TCEAL4: variants seen among roughly 807,000 people sequenced by gnomAD.
TCEAL4 encodes transcription elongation factor A protein-like 4.
In TCEAL4, 1 loss-of-function variant was observed where a neutral mutation model predicts 1.3. The ratio of observed to expected loss-of-function variants is 0.79; its 90% CI spans 0.28 to 3.76. The LOEUF (loss-of-function observed/expected upper bound fraction) is 3.76. Ranked by LOEUF, TCEAL4 falls within the 30% of genes most tolerant of loss-of-function variation. The pLI is 0.18. For missense variants in TCEAL4, 129 were observed against 154.7 expected, an observed-to-expected ratio of 0.83 and a Z score of 0.88; for synonymous variants, 54 against 50.7, an observed-to-expected ratio of 1.06 and a Z score of -0.28.
At chrX:103,584,058 G>T (rs1356209453), upstream of TCEAL4, among the ~76,000 whole-genome samples, 5 of 109,764 alleles carry the variant, frequency 4.6e-5, no homozygotes, top group Non-Finnish European at 7.6e-5. Context: ...CTACCGAGTA[G>T]CTGGGATTAC....
Position 103,587,400 on chromosome X carries a change from C to G in TCEAL4, c.*77C>G. 3 of 1,082,772 alleles carry G rather than the reference C, an allele frequency of 2.8e-6. No individual in the cohort carries two copies. Among genetic ancestry groups the G allele is most frequent in the Non-Finnish European group, 3.7e-6 (3 of 817,628 alleles). 89.2% of individuals were successfully genotyped at this position (1,082,772 alleles called of 1,213,427 possible). A position where few individuals can be genotyped will look rare whatever the true frequency, so the allele number is the denominator to read the frequency against. ...TTTACTTTAGGCATCCCTCCTGTTG[C>G]TAGCAGCCTTTTGACCTATCTGCAA... On this transcript the variant is annotated 3_prime_UTR_variant, in exon 3 of 3. Transcript: ENST00000472484.
chrX:103,580,605 C>T (rs1489403002), upstream of TCEAL4, among the ~76,000 whole-genome samples: 5 of 111,022 alleles, frequency 4.5e-5, no homozygotes, highest in East Asian at 2.8e-4. Context: ...TACCGGTGTG[C>T]GCCACCACAC....
upstream of TCEAL4, among the ~76,000 whole-genome samples, chrX:103,581,842 A>T (rs189918720): frequency 4.8e-4 from 54 of 111,912 alleles, 2 homozygotes; most frequent in East Asian, 7.0e-3. Context: ...CAAGACAAGG[A>T]TGCTCTCTCT....
At position 103,585,533 on chromosome X, in the gene TCEAL4, G is replaced by T; in HGVS notation, c.-192G>T. On this transcript the variant is annotated 5_prime_UTR_variant, in exon 1 of 3. Coordinates refer to ENST00000472484, the MANE Select transcript of TCEAL4 (RefSeq NM_001006935.3). ...GTGATCTGCACGGGCGCAGATGTAG[G>T]CACCGGTCCGAGTGCCTGCCCTCTG... 10 of 1,154,338 alleles carry T rather than the reference G, an allele frequency of 8.7e-6. No individual in the cohort carries two copies. In the South Asian group the frequency reaches 1.9e-4, roughly 22 times the overall value.
At chrX:103,576,483 G>T in exon 1 of TCEAL4, 2 of 1,164,884 alleles carry the variant, frequency 1.7e-6, no homozygotes, top group Non-Finnish European at 2.3e-6. Flanking sequence ...CCAGCTGGAG[G>T]CCAGGCGCCG....
upstream of TCEAL4, chrX:103,585,461 A>G: frequency 9.2e-7 from 1 of 1,083,019 alleles, no homozygotes; most frequent in Non-Finnish European, 1.2e-6. Context: ...GCGGCTGGCT[A>G]GGAGGCGGGG....
rs1486224426 is a variant in TCEAL4 at position 103,587,066 on chromosome X, A to G, written c.391A>G (p.Asn131Asp). 2 of 1,209,617 alleles carry G rather than the reference A, an allele frequency of 1.7e-6. No homozygotes were observed. The highest frequency in any genetic ancestry group is 3.5e-5 in the African/African-American group (2 of 56,960). Residue 131 changes from asparagine to aspartate, a missense_variant, in exon 3 of 3, where the codon AAT (asparagine) becomes GAT (aspartate). By Grantham distance (23) the Asn-to-Asp change is conservative. Around this residue, in one of 2 missense-constraint regions of TCEAL4, gnomAD observed 116 missense variants for 120.3 expected, o/e 0.96. Coordinates refer to ENST00000472484, the MANE Select transcript of TCEAL4 (RefSeq NM_001006935.3). The part of the protein sequence containing the change: ...DVPRKAKRKT[N>D]KGLAHYLKEY... ...ACCCAGGAAAGCCAAAAGAAAAACTAATAAGGGGCTGGCTCATTACCTCAA... is the reference window on the plus strand; with the variant it reads ...ACCCAGGAAAGCCAAAAGAAAAACTGATAAGGGGCTGGCTCATTACCTCAA...
Position 103,586,527 on chromosome X carries a change from A to C in TCEAL4, c.-27-122A>C. ...AGAAGGCCCTCTTGGAGGCCTGGCC[A>C]GCTTAGGGGAACCCTCATCAGGGGT... On this transcript the variant is annotated intron_variant, in intron 2 of 2. Transcript: ENST00000472484. 4.2e-6 allele frequency: 4 copies of C among 951,994 alleles called. No homozygotes were observed. In the South Asian group the frequency reaches 9.9e-5, roughly 24 times the overall value. 78.5% of individuals were successfully genotyped at this position (951,994 alleles called of 1,213,427 possible). A position where few individuals can be genotyped will look rare whatever the true frequency, so the allele number is the denominator to read the frequency against.
At position 103,587,248 on chromosome X, in the gene TCEAL4, C is replaced by T. The variant is rs377158977; in HGVS notation, c.573C>T (p.Tyr191=). 45 of 1,204,283 alleles carry T rather than the reference C, an allele frequency of 3.7e-5. No homozygotes were observed. Among genetic ancestry groups the T allele is most frequent in the African/African-American group, 1.8e-4 (10 of 56,755 alleles). The change falls in exon 3 of 3, where the codon TAC becomes TAT. Residue 191 remains tyrosine (Y), a synonymous_variant. Transcript: ENST00000472484. ...WMQRNLQDPF[Y]PRGPREFRGG... is the part of the protein sequence containing the mutation. ...AAAGAAATTTACAGGACCCCTTCTA[C>T]CCTAGAGGTCCAAGGGAATTCAGGG... is the stretch of plus-strand genomic sequence containing the variant.
intron 1 of TCEAL4, 91 bp downstream of exon 1, chrX:103,585,715 C>T: frequency 2.6e-6 from 3 of 1,145,318 alleles, no homozygotes; most frequent in Non-Finnish European, 3.5e-6. Context: ...GGGGTGGGGT[C>T]GGGTCGAGTC....
At chrX:103,585,508 G>A (rs1267593547), upstream of TCEAL4, 3 of 1,128,203 alleles carry the variant, frequency 2.7e-6, no homozygotes, top group Non-Finnish European at 3.5e-6. Context: ...CGGCATTCAC[G>A]TGATCTGCAC....
In TCEAL4 at chrX:103,586,945, A is replaced by G; in HGVS notation, c.270A>G (p.Arg90=). The G allele has an allele frequency of 8.3e-7, 1 of 1,208,826 alleles. No homozygotes were observed. ...GESEMEGGSE[R]EGKPEIEGKP... is the part of the protein sequence containing the mutation. Reference sequence around the variant, plus strand: ...CAGAGATGGAGGGAGGATCAGAGAGAGAGGGAAAACCAGAGATAGAGGGAA... The same window carrying G: ...CAGAGATGGAGGGAGGATCAGAGAGGGAGGGAAAACCAGAGATAGAGGGAA... The change falls in exon 3 of 3, where the codon AGA becomes AGG. Residue 90 remains arginine (R), a synonymous_variant. Coordinates refer to ENST00000472484, the MANE Select transcript of TCEAL4 (RefSeq NM_001006935.3).
At chrX:103,578,376 G>A (rs111572042) in intron 2 of TCEAL4, among the ~76,000 whole-genome samples, 2,303 of 111,891 alleles carry the variant, frequency 0.021, 59 homozygotes, top group African/African-American at 0.071. Context: ...GGATTGTTGC[G>A]TCATAAGGTA....
At position 103,586,746 on chromosome X, in the gene TCEAL4, C is replaced by T. The variant is rs755664856; in HGVS notation, c.71C>T (p.Pro24Leu). 2 of 1,211,540 alleles carry T rather than the reference C, an allele frequency of 1.7e-6. No individual in the cohort carries two copies. The highest frequency in any genetic ancestry group is 4.3e-5 in the Admixed American group (2 of 46,022). The change falls in exon 3 of 3, where the codon CCA becomes CTA. Residue 24 changes from proline (P) to leucine (L), a missense_variant. Physicochemically the swap from Pro to Leu is moderately conservative, Grantham distance 98. Coordinates refer to ENST00000472484, the MANE Select transcript of TCEAL4 (RefSeq NM_001006935.3). ...GGAAAGATGGAAAATGAAGAACAGC[C>T]ACAAGACGAGAGAAAGCCAGAAGTA... ...NQGKMENEEQ[P>L]QDERKPEVTC...
intron 1 of TCEAL4, among the ~76,000 whole-genome samples, chrX:103,576,856 A>T (rs762221514): frequency 8.9e-6 from 1 of 112,257 alleles, no homozygotes; most frequent in South Asian, 3.7e-4. Flanking sequence ...ACTAAGAGGG[A>T]TGGCAGTTAT....
In TCEAL4 at chrX:103,576,316, T is replaced by C. The variant is rs770691199; in HGVS notation, c.-154T>C. The C allele has an allele frequency of 9.8e-6, 7 of 717,006 alleles. No homozygotes were observed. In the East Asian group the frequency reaches 2.7e-4, roughly 27 times the overall value. 59.1% of individuals were successfully genotyped at this position (717,006 alleles called of 1,213,427 possible). A position where few individuals can be genotyped will look rare whatever the true frequency, so the allele number is the denominator to read the frequency against. On this transcript the variant is annotated 5_prime_UTR_variant, in exon 1 of 5. Coordinates refer to the TCEAL4 transcript ENST00000372629. ...GGCTTTGTGGGATATCTATTTATGATTTATTTTACTCCTAGTATTATTTCA... is the reference window on the plus strand; with the variant it reads ...GGCTTTGTGGGATATCTATTTATGACTTATTTTACTCCTAGTATTATTTCA...
chrX:103,587,448 G>A lies in TCEAL4; in HGVS notation c.*125G>A. On this transcript the variant is annotated 3_prime_UTR_variant, in exon 3 of 3. Coordinates refer to ENST00000472484, the MANE Select transcript of TCEAL4 (RefSeq NM_001006935.3). ...CAATGCAGTGTTCTCAGTAGGAAAT[G>A]TTCATCTGTTACATGGAAAAAATGT... 2.4e-6 allele frequency: 2 copies of A among 826,582 alleles called. No individual in the cohort carries two copies. Among genetic ancestry groups the A allele is most frequent in the African/African-American group, 2.1e-5 (1 of 48,460 alleles). The allele number at this position is 826,582 out of a possible 1,213,427, so 68.1% of individuals were successfully genotyped here.
At position 103,585,579 on chromosome X, in the gene TCEAL4, C is replaced by T. The variant is rs185841936; in HGVS notation, c.-146C>T. Reference sequence around the variant, plus strand: ...CTCTGTCCCCGCGGCTGGGTCTCGTCTGCTCCGGTTCCTGGGCTCCTAATT... The same window carrying T: ...CTCTGTCCCCGCGGCTGGGTCTCGTTTGCTCCGGTTCCTGGGCTCCTAATT... On this transcript the variant is annotated 5_prime_UTR_variant, in exon 1 of 3. Transcript: ENST00000472484. 1 of 1,162,632 alleles carries T rather than the reference C, an allele frequency of 8.6e-7. No homozygotes were observed. Among genetic ancestry groups the T allele is most frequent in the African/African-American group, 1.8e-5 (1 of 55,206 alleles).
chrX:103,586,135 G>T (rs2073543341), intron 1 of TCEAL4, 84 bp from the exon 2 acceptor site: 6 of 1,130,958 alleles, frequency 5.3e-6, no homozygotes, highest in Non-Finnish European at 7.0e-6. Flanking sequence ...TGGATGAGAA[G>T]GGCCTGGACT....
Sources: allele counts gnomAD v4.1 joint callset (sites outside exome capture counted in the v4.1 genomes callset), GRCh38; gene constraint gnomAD v4.1.1; regional missense constraint gnomAD v4.1.1; transcripts MANE v1.5; gene names NCBI Gene and HGNC (gene_info 2026-07-23, HGNC 2026-07-21).